L3MBTL3: variants seen among roughly 807,000 people sequenced by gnomAD.
L3MBTL3 encodes the protein L3MBTL histone methyl-lysine binding protein 3, also known as lethal(3)malignant brain tumor-like protein 3.
L3MBTL3 carries 27 observed loss-of-function variants against 102.3 expected under a neutral mutation model. The ratio of observed to expected loss-of-function variants is 0.26; its 90% CI spans 0.19 to 0.36. L3MBTL3 has a LOEUF of 0.36. Ranked by LOEUF, L3MBTL3 falls within the 10% of genes least tolerant of loss-of-function variation. The pLI is 1.00. For synonymous variants in L3MBTL3, 340 were observed against 320.9 expected, an observed-to-expected ratio of 1.06 and a Z score of -0.64; for missense variants, 798 against 955.3, an observed-to-expected ratio of 0.84 and a Z score of 2.17.
chr6:130,098,973 TTATTGTA>T (rs1019046996), intron 18 of L3MBTL3, among the ~76,000 whole-genome samples: 1 of 151,100 alleles, frequency 6.6e-6, no homozygotes, highest in Admixed American at 6.6e-5. Flanking sequence ...AAATATACAA[TTATTGTA>T]TATTGTATAT....
intron 10 of L3MBTL3, among the ~76,000 whole-genome samples, chr6:130,063,108 C>T (rs535864029): frequency 2.6e-5 from 4 of 151,318 alleles, no homozygotes; most frequent in Non-Finnish European, 5.9e-5. Flanking sequence ...AGAGAAGAGG[C>T]CTGGGAGAAG....
chr6:130,090,979 G>A (rs1582542586), intron 16 of L3MBTL3, among the ~76,000 whole-genome samples: 1 of 152,022 alleles, frequency 6.6e-6, no homozygotes, highest in African/African-American at 2.4e-5. Flanking sequence ...CTTTCTGTAG[G>A]GTTTCATCTT....
chr6:130,127,110 C>T (rs184597274), intron 20 of L3MBTL3, among the ~76,000 whole-genome samples: 2 of 152,188 alleles, frequency 1.3e-5, no homozygotes, highest in East Asian at 1.9e-4. Context: ...TAGATAATGT[C>T]TCTTGGGTAA....
intron 19 of L3MBTL3, among the ~76,000 whole-genome samples, chr6:130,119,697 C>T (rs1785995083): frequency 6.6e-6 from 1 of 152,142 alleles, no homozygotes; most frequent in South Asian, 2.1e-4. Context: ...TTAGCATGAA[C>T]TAAGCCGGGG....
At chr6:130,024,188 G>A (rs572464170) in intron 2 of L3MBTL3, among the ~76,000 whole-genome samples, 23 of 152,108 alleles carry the variant, frequency 1.5e-4, no homozygotes, top group South Asian at 4.2e-4. Flanking sequence ...CTAACTATAG[G>A]GGCCAGAACA....
At chr6:130,029,188 C>G (rs1421588434) in intron 2 of L3MBTL3, among the ~76,000 whole-genome samples, 1 of 152,196 alleles carries the variant, frequency 6.6e-6, no homozygotes, top group East Asian at 1.9e-4. Context: ...ATTCTGTCCT[C>G]CCAGCCCCAC....
intron 2 of L3MBTL3, among the ~76,000 whole-genome samples, chr6:130,034,619 C>G (rs972897796): frequency 4.6e-5 from 7 of 152,322 alleles, no homozygotes; most frequent in South Asian, 2.1e-4. Context: ...ATTCTGTCAT[C>G]AACACTAGAC....
chr6:130,042,020 A>T (rs1780451825), intron 2 of L3MBTL3, among the ~76,000 whole-genome samples: 1 of 152,196 alleles, frequency 6.6e-6, no homozygotes, highest in Admixed American at 6.5e-5. Flanking sequence ...AGGAGCCATC[A>T]ATCTTTCATC....
chr6:130,065,370 A>G lies in L3MBTL3; in HGVS notation c.865-983A>G, dbSNP rs572069988. Among the ~76,000 whole-genome samples, 13 of 152,362 alleles carry G rather than the reference A, an allele frequency of 8.5e-5. No individual in the cohort carries two copies. In the South Asian group the frequency reaches 2.3e-3, roughly 27 times the overall value. ...ATATACACATAATACACATATGTATACATAATCATATACCCATAAATACAT... is the reference window on the plus strand; with the variant it reads ...ATATACACATAATACACATATGTATGCATAATCATATACCCATAAATACAT... On this transcript the variant is annotated intron_variant, in intron 10 of 22. Transcript: ENST00000361794.
chr6:130,049,981 G>T, intron 5 of L3MBTL3, 151 bp downstream of exon 5: 1 of 990,324 alleles, frequency 1.0e-6, no homozygotes, highest in Non-Finnish European at 1.4e-6. Context: ...GAGTCATCCT[G>T]AATTTGTTCT....
intron 15 of L3MBTL3, among the ~76,000 whole-genome samples, chr6:130,084,449 T>A (rs1206387572): frequency 6.6e-6 from 1 of 152,148 alleles, no homozygotes; most frequent in Non-Finnish European, 1.5e-5. Flanking sequence ...GGATTTTTAA[T>A]GTTAGAATTA....
intron 10 of L3MBTL3, among the ~76,000 whole-genome samples, chr6:130,060,473 T>TA (rs1449797664): frequency 2.7e-5 from 4 of 148,042 alleles, no homozygotes; most frequent in Non-Finnish European, 6.0e-5. Context: ...GTGTGTGTTG[T>TA]TTTTTTTTTA....
chr6:130,066,534 T>C, intron 11 of L3MBTL3, 46 bp downstream of exon 11: 1 of 1,501,196 alleles, frequency 6.7e-7, no homozygotes, highest in Non-Finnish European at 9.2e-7. Context: ...TAAAAACTCA[T>C]TTTCTTACAT....
chr6:130,060,451 C>T (rs1212536364), intron 10 of L3MBTL3, among the ~76,000 whole-genome samples: 1 of 151,726 alleles, frequency 6.6e-6, no homozygotes, highest in Non-Finnish European at 1.5e-5. Context: ...AGGAATAGAC[C>T]AACAGATACT....
At chr6:130,030,753 A>G (rs1006351047) in intron 2 of L3MBTL3, among the ~76,000 whole-genome samples, 11 of 148,836 alleles carry the variant, frequency 7.4e-5, no homozygotes, top group Non-Finnish European at 1.0e-4. Context: ...GTTGTCTTCT[A>G]GGTTGACTAA....
At chr6:130,111,365 A>T (rs547288287) in intron 19 of L3MBTL3, among the ~76,000 whole-genome samples, 6 of 152,332 alleles carry the variant, frequency 3.9e-5, no homozygotes, top group Admixed American at 1.3e-4. Context: ...GTGAGGCTGT[A>T]CATGTTAATT....
rs1306824174 is a variant in L3MBTL3 at position 130,095,607 on chromosome 6, C to T, written c.1736+1240C>T. On this transcript the variant is annotated intron_variant, in intron 18 of 22. Transcript: ENST00000361794. The stretch of plus-strand genomic sequence containing the variant: ...AATAATTCATGAACGTACTAAATTT[C>T]CATTATTGTTTTACTTGTTTTGTGT... Among the ~76,000 whole-genome samples, 5 of 152,222 alleles carry T rather than the reference C, an allele frequency of 3.3e-5. No individual in the cohort carries two copies. In the East Asian group the frequency reaches 9.6e-4, roughly 29 times the overall value.
At position 130,108,220 on chromosome 6, in the gene L3MBTL3, G is replaced by GTTTTTTTTTTTTTTTTTTTTTTTTTTTTT. The variant is rs376419261; in HGVS notation, c.1886+3655_1886+3656insTTTTTTTTTTTTTTTTTTTTTTTTTTTTT. Among the ~76,000 whole-genome samples the GTTTTTTTTTTTTTTTTTTTTTTTTTTTTT allele has an allele frequency of 1.7e-5, 2 of 118,724 alleles. 1 individual carries two copies. Among genetic ancestry groups the GTTTTTTTTTTTTTTTTTTTTTTTTTTTTT allele is most frequent in the Non-Finnish European group, 3.6e-5 (2 of 56,138 alleles). 77.9% of individuals were successfully genotyped at this position (118,724 alleles called of 152,430 possible). ...ATAAGCCCTCAATAAATGTTAGGTG[G>GTTTTTTTTTTTTTTTTTTTTTTTTTTTTT]TTTTTTTTTTGTTTTTTTTTTTTTT... On this transcript the variant is annotated intron_variant, in intron 19 of 22. Coordinates refer to ENST00000361794, the MANE Select transcript of L3MBTL3 (RefSeq NM_032438.4).
chr6:130,084,249 T>C (rs1427070871), intron 15 of L3MBTL3, among the ~76,000 whole-genome samples: 1 of 152,182 alleles, frequency 6.6e-6, no homozygotes, highest in African/African-American at 2.4e-5. Context: ...CTCATTTCTA[T>C]GCAAGGAAGG....
Sources: allele counts gnomAD v4.1 joint callset (sites outside exome capture counted in the v4.1 genomes callset), GRCh38; gene constraint gnomAD v4.1.1; transcripts MANE v1.5; gene names NCBI Gene and HGNC (gene_info 2026-07-23, HGNC 2026-07-21).